GSE1: variants seen among roughly 807,000 people sequenced by gnomAD.
GSE1 encodes genetic suppressor element 1.
In GSE1, 32 loss-of-function variants were observed where a neutral mutation model predicts 112.6. That is an observed-to-expected ratio of 0.28 (90% confidence interval 0.21 to 0.38). The LOEUF (loss-of-function observed/expected upper bound fraction) is 0.38. GSE1 is among the 10% of genes least tolerant of loss of function. The probability of loss-of-function intolerance (pLI) is 1.00; values close to 1 mark genes in which losing one functional copy is unlikely to be tolerated. For synonymous variants in GSE1, 1,115 were observed against 735.6 expected, an observed-to-expected ratio of 1.52 and a Z score of -8.35; for missense variants, 2,348 against 1,699.2, an observed-to-expected ratio of 1.38 and a Z score of -6.71.
At position 85,673,080 on chromosome 16, in the gene GSE1, C is replaced by CT. The variant is rs980156409; in HGVS notation, c.*541_*542insT. On this transcript the variant is annotated 3_prime_UTR_variant, in exon 16 of 16. Coordinates refer to ENST00000253458, the MANE Select transcript of GSE1 (RefSeq NM_014615.5). ...TTTTACTTTCCTGCAAAATTTTCTT[C>CT]AAAGCAACAAGTCCTAGGAGCACAC... 1 of 144,224 alleles carries CT rather than the reference C, an allele frequency of 6.9e-6. No individual in the cohort carries two copies. Among genetic ancestry groups the CT allele is most frequent in the African/African-American group, 2.9e-5 (1 of 34,088 alleles). The allele number at this position is 144,224 out of a possible 1,614,324, so 8.9% of individuals were successfully genotyped here.
At chr16:85,488,358 G>A (rs1303611449) in intron 2 of GSE1, among the ~76,000 whole-genome samples, 2 of 152,170 alleles carry the variant, frequency 1.3e-5, no homozygotes, top group African/African-American at 4.8e-5. Flanking sequence ...TACAAACAGA[G>A]GATGGGACCT....
rs1567735969 is a variant in GSE1, at chr16:85,656,382, CG to C, written c.1030del (p.Glu344SerfsTer89). On this transcript the variant is annotated frameshift_variant, in exon 7 of 16. Transcript: ENST00000253458. LOFTEE classifies it high-confidence loss of function. ...AGGAGCTAAGGCGGGAGAGGGAGCG[CG>C]AGCGCGAGCGCGAGCGTGAGCGTGA... ...DEELRREREREREREREREAD... is the reference protein window; with the variant it reads ...DEELRRERERXREREREREAD... 1 of 1,458,744 alleles carries C rather than the reference CG, an allele frequency of 6.9e-7. No individual in the cohort carries two copies. Among genetic ancestry groups the C allele is most frequent in the South Asian group, 1.3e-5 (1 of 77,126 alleles). The allele number at this position is 1,458,744 out of a possible 1,614,324, so 90.4% of individuals were successfully genotyped here.
Position 85,666,359 on chromosome 16 carries a change from G to A in GSE1, c.3130+12G>A, listed in dbSNP as rs778179374. The stretch of plus-strand genomic sequence containing the variant: ...GCAGAAGCATAAAGGTAATGAGGCT[G>A]CCAGTCCCTGCTCAGCTCTCGGCTG... On this transcript the variant is annotated intron_variant, in intron 13 of 15. Coordinates refer to ENST00000253458, the MANE Select transcript of GSE1 (RefSeq NM_014615.5). The A allele has an allele frequency of 6.2e-7, 1 of 1,613,064 alleles. No homozygotes were observed. The highest frequency in any genetic ancestry group is 1.1e-5 in the South Asian group (1 of 91,028).
At chr16:85,362,834 T>C (rs897719096) in intron 2 of GSE1, among the ~76,000 whole-genome samples, 1 of 142,124 alleles carries the variant, frequency 7.0e-6, no homozygotes, top group Non-Finnish European at 1.5e-5. Flanking sequence ...TTGATATCTT[T>C]TTTTTTTTTT....
At chr16:85,402,515 G>A (rs116037782) in intron 2 of GSE1, among the ~76,000 whole-genome samples, 139 of 152,348 alleles carry the variant, frequency 9.1e-4, no homozygotes, top group African/African-American at 3.2e-3. Context: ...GACCCAGAGA[G>A]AGTGGCCTGC....
At chr16:85,591,006 G>A (rs2046980951) in intron 1 of GSE1, among the ~76,000 whole-genome samples, 1 of 152,184 alleles carries the variant, frequency 6.6e-6, no homozygotes, top group African/African-American at 2.4e-5. Flanking sequence ...CTGGGGAGCA[G>A]GGCACAGGGC....
chr16:85,541,097 T>G (rs945620599), intron 2 of GSE1, among the ~76,000 whole-genome samples: 4 of 151,866 alleles, frequency 2.6e-5, no homozygotes, highest in African/African-American at 9.7e-5. Context: ...GCAGCAGGCA[T>G]TTTGTCCAGC....
chr16:85,338,100 G>C (rs147143242), intron 1 of GSE1, among the ~76,000 whole-genome samples: 495 of 152,338 alleles, frequency 3.2e-3, no homozygotes, highest in Middle Eastern at 0.014. Context: ...TCCTGCTCTT[G>C]CTGACCACCT....
chr16:85,178,397 C>T (rs1030708318), intron 1 of GSE1, among the ~76,000 whole-genome samples: 10 of 152,046 alleles, frequency 6.6e-5, no homozygotes, highest in African/African-American at 2.4e-4. Flanking sequence ...GCAGGACCAG[C>T]ATTCCCGGCG....
chr16:85,527,822 G>A (rs1240693823), intron 2 of GSE1, among the ~76,000 whole-genome samples: 1 of 152,234 alleles, frequency 6.6e-6, no homozygotes, highest in Non-Finnish European at 1.5e-5. Context: ...CGAAGGAGGG[G>A]GATTAACTGG....
intron 1 of GSE1, among the ~76,000 whole-genome samples, chr16:85,259,098 G>A (rs7191809): frequency 1.3e-5 from 2 of 152,070 alleles, no homozygotes; most frequent in African/African-American, 4.8e-5. Flanking sequence ...CAGGATAGGG[G>A]CTCAGTGCAA....
chr16:85,379,477 A>G (rs1041562189), intron 2 of GSE1, among the ~76,000 whole-genome samples: 2 of 152,168 alleles, frequency 1.3e-5, no homozygotes, highest in Non-Finnish European at 2.9e-5. Flanking sequence ...AGATTCCAGG[A>G]GGTCTCCCTG....
At chr16:85,660,552 G>A (rs2052344483) in intron 8 of GSE1, among the ~76,000 whole-genome samples, 2 of 152,142 alleles carry the variant, frequency 1.3e-5, no homozygotes. Context: ...AGCTGGAGAA[G>A]CGCTTGAACC....
At chr16:85,579,837 G>A (rs1331329123) in intron 1 of GSE1, among the ~76,000 whole-genome samples, 1 of 152,180 alleles carries the variant, frequency 6.6e-6, no homozygotes, top group Non-Finnish European at 1.5e-5. Context: ...CCATGGATGG[G>A]GAGCTCACCC....
At chr16:85,274,989 C>T (rs144878429) in intron 1 of GSE1, among the ~76,000 whole-genome samples, 1 of 152,352 alleles carries the variant, frequency 6.6e-6, no homozygotes, top group East Asian at 1.9e-4. Context: ...CCTTGAGGCT[C>T]AAAGCGTTCC....
intron 1 of GSE1, among the ~76,000 whole-genome samples, chr16:85,243,966 A>T (rs1905376898): frequency 6.6e-6 from 1 of 152,174 alleles, no homozygotes; most frequent in African/African-American, 2.4e-5. Flanking sequence ...ATCTCCACTA[A>T]AAATACAAAA....
At chr16:85,575,808 C>G (rs879648901) in intron 1 of GSE1, among the ~76,000 whole-genome samples, 2 of 151,838 alleles carry the variant, frequency 1.3e-5, no homozygotes, top group Admixed American at 1.3e-4. Flanking sequence ...TTGTAGAGAT[C>G]GCTTTTCTAG....
chr16:85,320,550 C>T (rs2046084377), intron 1 of GSE1, among the ~76,000 whole-genome samples: 1 of 152,202 alleles, frequency 6.6e-6, no homozygotes, highest in Non-Finnish European at 1.5e-5. Flanking sequence ...CCACCTCAGC[C>T]TCCCAAAGTG....
At chr16:85,669,480 G>A (rs2053152056) in intron 14 of GSE1, among the ~76,000 whole-genome samples, 1 of 152,144 alleles carries the variant, frequency 6.6e-6, no homozygotes, top group South Asian at 2.1e-4. Context: ...CCACAACCAG[G>A]ACATCAAATC....
Sources: allele counts gnomAD v4.1 joint callset (sites outside exome capture counted in the v4.1 genomes callset), GRCh38; gene constraint gnomAD v4.1.1; transcripts MANE v1.5; gene names NCBI Gene and HGNC (gene_info 2026-07-23, HGNC 2026-07-21).